Variants in STK3 observed in about 807,000 individuals in gnomAD.
STK3 encodes serine/threonine-protein kinase 3.
Under a neutral mutation model 58.0 loss-of-function variants are expected in STK3, and 41 were observed. The observed-to-expected ratio is 0.71, with a 90% CI of 0.55 to 0.92. STK3 has a LOEUF of 0.92. STK3 is among the 40% of genes least tolerant of loss of function. The pLI is 0.00. For missense variants in STK3, 479 were observed against 602.7 expected (o/e 0.79, Z 2.15); for synonymous variants, 170 against 191.0 (o/e 0.89, Z 0.91).
intron 3 of STK3, among the ~76,000 whole-genome samples, chr8:98,840,350 TAAAA>T (rs775446064): frequency 6.0e-5 from 6 of 100,822 alleles, no homozygotes; most frequent in Non-Finnish European, 8.4e-5. Flanking sequence ...AGACTCTGGT[TAAAA>T]AAAAAAAAAA....
intron 7 of STK3, among the ~76,000 whole-genome samples, chr8:98,585,284 G>C (rs1400576340): frequency 6.6e-6 from 1 of 152,176 alleles, no homozygotes; most frequent in African/African-American, 2.4e-5. Context: ...AAGGTGTAAG[G>C]AAGGGATCCA....
intron 3 of STK3, among the ~76,000 whole-genome samples, chr8:98,394,123 C>G (rs1009688427): frequency 6.6e-6 from 1 of 152,144 alleles, no homozygotes; most frequent in East Asian, 1.9e-4. Flanking sequence ...TCTCAGAACT[C>G]TCAAGTAGTG....
At chr8:98,786,462 C>T (rs1419679676) in intron 1 of STK3, among the ~76,000 whole-genome samples, 1 of 152,132 alleles carries the variant, frequency 6.6e-6, no homozygotes, top group Non-Finnish European at 1.5e-5. Context: ...GTGAAAGGAT[C>T]ACCTGAGCCT....
intron 10 of STK3, among the ~76,000 whole-genome samples, chr8:98,481,498 A>C (rs886227551): frequency 1.3e-5 from 2 of 152,158 alleles, no homozygotes; most frequent in African/African-American, 4.8e-5. Context: ...GGAAAGGAAA[A>C]CCAAATACTG....
At chr8:98,765,584 A>G (rs1384390191) in intron 3 of STK3, among the ~76,000 whole-genome samples, 1 of 152,192 alleles carries the variant, frequency 6.6e-6, no homozygotes, top group Non-Finnish European at 1.5e-5. Context: ...CTGAAGTTGA[A>G]GGTTTCTGGG....
At chr8:98,606,700 T>C (rs528662811) in intron 6 of STK3, among the ~76,000 whole-genome samples, 5 of 152,332 alleles carry the variant, frequency 3.3e-5, no homozygotes, top group South Asian at 2.1e-4. Flanking sequence ...AGCCTCCTGG[T>C]TGGCAAACAC....
rs145840681 is a variant in STK3 at position 98,839,698 on chromosome 8, T to C, written c.110+43949A>G. On this transcript the variant is annotated intron_variant, in intron 3 of 12. Transcript: ENST00000523601. ...CATGGAATACTTTTACGTGGTTAAT[T>C]TCCCTCAGGTATTTAAACTACGATT... Among the ~76,000 whole-genome samples the C allele has an allele frequency of 5.1e-3, 782 of 152,316 alleles. 6 individuals carry two copies. The highest frequency in any genetic ancestry group is 0.017 in the African/African-American group (705 of 41,572).
At chr8:98,696,734 T>A (rs1450096334) in intron 6 of STK3, among the ~76,000 whole-genome samples, 1 of 152,192 alleles carries the variant, frequency 6.6e-6, no homozygotes, top group Non-Finnish European at 1.5e-5. Context: ...ATAAGCTTTT[T>A]GATGTGCTGC....
At chr8:98,792,896 A>ATGTGTGTGTGTGTGTGTGTGTG (rs34465301) in intron 1 of STK3, among the ~76,000 whole-genome samples, 5 of 145,666 alleles carry the variant, frequency 3.4e-5, no homozygotes, top group African/African-American at 1.3e-4. Context: ...AAGAGACTGT[A>ATGTGTGTGTGTGTGTGTGTGTG]TGTGTGTGTG....
At chr8:98,932,832 A>G (rs142308245) in intron 1 of STK3, among the ~76,000 whole-genome samples, 110 of 152,198 alleles carry the variant, frequency 7.2e-4, no homozygotes, top group Non-Finnish European at 1.3e-3. Flanking sequence ...ACAGCCAATT[A>G]CTCTGCTGGA....
At chr8:98,840,769 T>G (rs886901617) in intron 3 of STK3, among the ~76,000 whole-genome samples, 2 of 151,958 alleles carry the variant, frequency 1.3e-5, no homozygotes, top group African/African-American at 4.8e-5. Context: ...TCTCTGTAAG[T>G]CAGAAATCCA....
chr8:98,691,626 C>A (rs1177926712), intron 6 of STK3, among the ~76,000 whole-genome samples: 1 of 151,974 alleles, frequency 6.6e-6, no homozygotes, highest in Non-Finnish European at 1.5e-5. Flanking sequence ...AAACAAAAAG[C>A]CCAATTTAAA....
chr8:98,506,087 A>G (rs1048486797), intron 10 of STK3, among the ~76,000 whole-genome samples: 3 of 152,080 alleles, frequency 2.0e-5, no homozygotes, highest in Non-Finnish European at 4.4e-5. Context: ...TTGTTTACCT[A>G]CTCAAGCCTC....
chr8:98,684,349 T>C (rs1414799700), intron 6 of STK3, among the ~76,000 whole-genome samples: 1 of 152,042 alleles, frequency 6.6e-6, no homozygotes, highest in Non-Finnish European at 1.5e-5. Flanking sequence ...TTGGGTACTG[T>C]GTAACGTCCC....
intron 3 of STK3, among the ~76,000 whole-genome samples, chr8:98,836,197 T>C (rs1337612748): frequency 2.0e-5 from 3 of 151,166 alleles, no homozygotes; most frequent in Non-Finnish European, 4.4e-5. Context: ...TAAGACTCTG[T>C]CTCAACAGAA....
chr8:98,449,974 T>A (rs1296675627), downstream of STK3, among the ~76,000 whole-genome samples: 1 of 152,180 alleles, frequency 6.6e-6, no homozygotes, highest in Non-Finnish European at 1.5e-5. Context: ...AGCATCATGG[T>A]TCTTGACGTT....
At chr8:98,414,422 G>T (rs952354752) in intron 3 of STK3, among the ~76,000 whole-genome samples, 1 of 152,114 alleles carries the variant, frequency 6.6e-6, no homozygotes, top group Admixed American at 6.5e-5. Flanking sequence ...ATCCCAGAAG[G>T]TGTCTCTGTG....
In STK3 at chr8:98,618,626, C is replaced by G. The variant is rs1817981704; in HGVS notation, c.685-22457G>C. ...GCAACTTCAGCAAAGTCTCAGGATA[C>G]AAAATCAATGTACAAAAATCACAAG... is the stretch of plus-strand genomic sequence containing the variant. On this transcript the variant is annotated intron_variant, in intron 6 of 10. Coordinates refer to ENST00000419617, the MANE Select transcript of STK3 (RefSeq NM_006281.4). Among the ~76,000 whole-genome samples the G allele has an allele frequency of 2.1e-5, 3 of 144,716 alleles. No individual in the cohort carries two copies. In the South Asian group the frequency reaches 7.1e-4, roughly 34 times the overall value. 94.9% of individuals were successfully genotyped at this position (144,716 alleles called of 152,430 possible). A position where few individuals can be genotyped will look rare whatever the true frequency, so the allele number is the denominator to read the frequency against.
chr8:98,627,852 T>A (rs2130466773), intron 6 of STK3, among the ~76,000 whole-genome samples: 1 of 152,346 alleles, frequency 6.6e-6, no homozygotes, highest in African/African-American at 2.4e-5. Context: ...CATTTTGAAT[T>A]AACATTTTTA....
Sources: gnomAD v4.1 joint callset for allele counts (sites outside exome capture counted in the v4.1 genomes callset) on GRCh38, gnomAD v4.1.1 for gene constraint, MANE v1.5 for transcripts, NCBI Gene and HGNC (gene_info 2026-07-23, HGNC 2026-07-21) for gene names.